The following USP46 variants were observed in gnomAD, a reference collection of about 807,000 sequenced individuals.
USP46 encodes ubiquitin carboxyl-terminal hydrolase 46.
Under a neutral mutation model 44.4 loss-of-function variants are expected in USP46, and 12 were observed. The observed-to-expected ratio is 0.27, with a 90% CI of 0.17 to 0.44. USP46 has a LOEUF of 0.44. Ranked by LOEUF, USP46 falls within the 20% of genes least tolerant of loss-of-function variation. The pLI is 1.00. For synonymous variants in USP46, 155 were observed against 161.5 expected (o/e 0.96, Z 0.31); for missense variants, 248 against 444.8 (o/e 0.56, Z 3.98).
chr4:52,619,249 T>C (rs1445469613), intron 4 of USP46, among the ~76,000 whole-genome samples: 2 of 151,766 alleles, frequency 1.3e-5, no homozygotes, highest in African/African-American at 4.8e-5. Flanking sequence ...AATCCCTCAG[T>C]TGACATTTGC....
intron 1 of USP46, among the ~76,000 whole-genome samples, chr4:52,646,262 C>T (rs890007715): frequency 9.9e-5 from 15 of 152,196 alleles, no homozygotes; most frequent in Non-Finnish European, 4.4e-5. Context: ...CCTCAATGCA[C>T]TTGTGCGGCA....
intron 1 of USP46, among the ~76,000 whole-genome samples, chr4:52,651,815 C>G (rs572559510): frequency 2.0e-5 from 3 of 152,160 alleles, no homozygotes; most frequent in African/African-American, 7.2e-5. Flanking sequence ...TTGAACAAGG[C>G]CTTGCTGGCA....
At position 52,592,956 on chromosome 4, in the gene USP46, G is replaced by C; in HGVS notation, c.*4684C>G. On this transcript the variant is annotated 3_prime_UTR_variant, in exon 9 of 9. Transcript: ENST00000441222. ...CTTCTGCTGATTGTAAGTTTCCTGA[G>C]GCCTCCCCCAGAACAGAAGCCTGTA... 2.5e-6 allele frequency: 1 copy of C among 398,670 alleles called. No homozygotes were observed. The highest frequency in any genetic ancestry group is 3.6e-5 in the East Asian group (1 of 28,076). The allele number at this position is 398,670 out of a possible 1,614,324, so 24.7% of individuals were successfully genotyped here.
intron 1 of USP46, among the ~76,000 whole-genome samples, chr4:52,639,886 T>C (rs952049382): frequency 1.5e-5 from 2 of 136,336 alleles, no homozygotes; most frequent in African/African-American, 2.8e-5. Flanking sequence ...TTTTTTTTGG[T>C]AGAGTCAGGG....
intron 4 of USP46, among the ~76,000 whole-genome samples, chr4:52,619,366 T>C (rs1717291850): frequency 6.6e-6 from 1 of 151,942 alleles, no homozygotes; most frequent in African/African-American, 2.4e-5. Context: ...AAAAAGGTTT[T>C]CCAGGATTGA....
chr4:52,608,442 T>C (rs1448876179), intron 5 of USP46, among the ~76,000 whole-genome samples: 1 of 152,254 alleles, frequency 6.6e-6, no homozygotes, highest in Non-Finnish European at 1.5e-5. Context: ...GCTGCGCCTA[T>C]GGCTGGCCAT....
intron 1 of USP46, among the ~76,000 whole-genome samples, chr4:52,640,878 C>A (rs1171786866): frequency 6.7e-6 from 1 of 149,296 alleles, no homozygotes; most frequent in Non-Finnish European, 1.5e-5. Context: ...TCCTGCAAAC[C>A]AGTTGCCTAA....
intron 1 of USP46, among the ~76,000 whole-genome samples, chr4:52,632,976 G>GAAAAGA (rs1316287178): frequency 1.2e-4 from 9 of 76,744 alleles, no homozygotes; most frequent in African/African-American, 5.9e-4. Flanking sequence ...AAGAAAGAAA[G>GAAAAGA]AAAGAAAGAA....
chr4:52,603,844 C>T (rs1318769723), intron 6 of USP46, among the ~76,000 whole-genome samples: 1 of 151,996 alleles, frequency 6.6e-6, no homozygotes, highest in Admixed American at 6.6e-5. Flanking sequence ...GGCACCATGC[C>T]CAGCTAATTT....
At chr4:52,629,574 C>T (rs539997096) in intron 2 of USP46, 2 of 456,236 alleles carry the variant, frequency 4.4e-6, no homozygotes, top group African/African-American at 2.0e-5. Flanking sequence ...ACACAATGCC[C>T]TATATTCCAG....
intron 1 of USP46, among the ~76,000 whole-genome samples, chr4:52,657,410 T>C (rs1718995938): frequency 6.6e-6 from 1 of 152,072 alleles, no homozygotes; most frequent in South Asian, 2.1e-4. Flanking sequence ...TGGCTTCCTC[T>C]AGGGGCATGC....
In USP46 at chr4:52,604,428, C is replaced by T. The variant is rs374457956; in HGVS notation, c.722+73G>A. 6 of 1,316,012 alleles carry T rather than the reference C, an allele frequency of 4.6e-6. No homozygotes were observed. In the South Asian group the frequency reaches 5.2e-5, roughly 11 times the overall value. The allele number at this position is 1,316,012 out of a possible 1,614,324, so 81.5% of individuals were successfully genotyped here. Reference sequence around the variant, plus strand: ...CAGGTAGCTGAGATTGATTCAAAGCCAACCCTGCTGGGCCCCACAGTCGGG... The same window carrying T: ...CAGGTAGCTGAGATTGATTCAAAGCTAACCCTGCTGGGCCCCACAGTCGGG... On this transcript the variant is annotated intron_variant, in intron 6 of 8. Coordinates refer to ENST00000441222, the MANE Select transcript of USP46 (RefSeq NM_022832.4).
At position 52,609,397 on chromosome 4, in the gene USP46, A is replaced by T. The variant is rs187990918; in HGVS notation, c.638+1144T>A. On this transcript the variant is annotated intron_variant, in intron 5 of 8. Transcript: ENST00000441222. Reference sequence around the variant, plus strand: ...ATTCATAATTCTAGTTTAAAAAACAAATCCTCAAAAATGCAATCCACATTA... The same window carrying T: ...ATTCATAATTCTAGTTTAAAAAACATATCCTCAAAAATGCAATCCACATTA... Among the ~76,000 whole-genome samples the T allele has an allele frequency of 3.9e-5, 6 of 152,360 alleles. No homozygotes were observed. The East Asian group carries it at 1.2e-3, about 29-fold the overall frequency.
At position 52,602,071 on chromosome 4, in the gene USP46, T is replaced by C. The variant is rs372882646; in HGVS notation, c.723-17A>G. ...ACCCTCATCCTAAGAAACCAAGAAATAGAAAATCAGTTGTACCCAACACCT... is the reference window on the plus strand; with the variant it reads ...ACCCTCATCCTAAGAAACCAAGAAACAGAAAATCAGTTGTACCCAACACCT... On this transcript the variant is annotated splice_polypyrimidine_tract_variant and intron_variant, in intron 6 of 8. Coordinates refer to ENST00000441222, the MANE Select transcript of USP46 (RefSeq NM_022832.4). The C allele has an allele frequency of 1.9e-4, 302 of 1,606,094 alleles. No homozygotes were observed. Among genetic ancestry groups the C allele is most frequent in the Non-Finnish European group, 2.3e-4 (268 of 1,175,480 alleles).
chr4:52,638,650 AT>A lies in USP46; in HGVS notation c.37-7507del, dbSNP rs932011531. Among the ~76,000 whole-genome samples the A allele has an allele frequency of 4.6e-3, 686 of 147,560 alleles. 5 individuals are homozygous for A. Among genetic ancestry groups the A allele is most frequent in the African/African-American group, 0.012 (500 of 40,592 alleles). ...ATAATATATATAATTTTATATATAT[AT>A]TTTTTTTATGAAAAAAATATATATA... On this transcript the variant is annotated intron_variant, in intron 1 of 8. Transcript: ENST00000441222.
intron 1 of USP46, among the ~76,000 whole-genome samples, chr4:52,641,966 C>T (rs569135715): frequency 1.1e-4 from 17 of 152,262 alleles, no homozygotes; most frequent in African/African-American, 4.1e-4. Flanking sequence ...GTAGATCTAT[C>T]GTTCAAAAGG....
At chr4:52,636,157 T>C (rs775655204) in intron 1 of USP46, among the ~76,000 whole-genome samples, 1 of 151,876 alleles carries the variant, frequency 6.6e-6, no homozygotes, top group Non-Finnish European at 1.5e-5. Context: ...TCCTTCCAAG[T>C]GAGAGACAGA....
intron 1 of USP46, among the ~76,000 whole-genome samples, chr4:52,642,816 A>G (rs1440307525): frequency 6.6e-6 from 1 of 152,246 alleles, no homozygotes; most frequent in Non-Finnish European, 1.5e-5. Context: ...CCGTACCAAA[A>G]AGCAAATTTG....
chr4:52,653,744 T>C lies in USP46; in HGVS notation c.36+5371A>G, dbSNP rs529396097. On this transcript the variant is annotated intron_variant, in intron 1 of 8. Coordinates refer to ENST00000441222, the MANE Select transcript of USP46 (RefSeq NM_022832.4). ...TTCATGGGTAAGCTAGAGATAGAGA[T>C]AGGTGGTTACCAAATACCTTTCTGA... Among the ~76,000 whole-genome samples, 12 of 152,212 alleles carry C rather than the reference T, an allele frequency of 7.9e-5. No homozygotes were observed. In the East Asian group the frequency reaches 1.9e-3, roughly 24 times the overall value.
Sources: allele counts gnomAD v4.1 joint callset (sites outside exome capture counted in the v4.1 genomes callset), GRCh38; gene constraint gnomAD v4.1.1; transcripts MANE v1.5; gene names NCBI Gene and HGNC (gene_info 2026-07-23, HGNC 2026-07-21).